The following DEK variants were observed in gnomAD, a reference collection of about 807,000 sequenced individuals.
DEK encodes the protein protein DEK.
Under a neutral mutation model 46.8 loss-of-function variants are expected in DEK, and 28 were observed. The observed-to-expected ratio is 0.60, with a 90% confidence interval of 0.44 to 0.82. The LOEUF (loss-of-function observed/expected upper bound fraction) is 0.82, where lower values mean the gene tolerates loss of function less well. Among genes scored for constraint, DEK ranks in the 40% least tolerant of loss-of-function variants. DEK has a pLI of 0.00. For synonymous variants in DEK, 160 were observed against 144.5 expected (o/e 1.11, Z -0.77); for missense variants, 416 against 430.6 (o/e 0.97, Z 0.30).
chr6:18,256,602 G>T, intron 4 of DEK, 147 bp from the exon 5 acceptor site: 1 of 526,258 alleles, frequency 1.9e-6, no homozygotes, highest in Non-Finnish European at 3.3e-6. Flanking sequence ...ATTCAATATG[G>T]GTTCAATATT....
intron 9 of DEK, among the ~76,000 whole-genome samples, chr6:18,228,652 G>A (rs937402677): frequency 1.3e-5 from 2 of 152,168 alleles, no homozygotes; most frequent in Admixed American, 1.3e-4. Context: ...GACGGCACCT[G>A]GAAAATTGGG....
chr6:18,226,499 C>T (rs1267072185), intron 9 of DEK, among the ~76,000 whole-genome samples: 1 of 152,196 alleles, frequency 6.6e-6, no homozygotes, highest in African/African-American at 2.4e-5. Flanking sequence ...CATAAACAAG[C>T]CAGATGTGAT....
intron 2 of DEK, among the ~76,000 whole-genome samples, chr6:18,261,953 G>A (rs973779003): frequency 6.6e-6 from 1 of 152,196 alleles, no homozygotes; most frequent in Non-Finnish European, 1.5e-5. Flanking sequence ...CAAATTTCGT[G>A]TTGAAAAGTG....
intron 10 of DEK, 116 bp downstream of exon 10, chr6:18,226,058 G>A: frequency 2.1e-6 from 2 of 932,150 alleles, no homozygotes; most frequent in Middle Eastern, 3.6e-4. Flanking sequence ...ATGAAGAAAT[G>A]TGAGGATCAA....
intron 7 of DEK, among the ~76,000 whole-genome samples, chr6:18,249,102 T>TAA (rs1457075486): frequency 6.6e-6 from 1 of 152,164 alleles, no homozygotes; most frequent in Non-Finnish European, 1.5e-5. Flanking sequence ...CTTTGGAAAC[T>TAA]AAGAGTCTCA....
chr6:18,247,350 G>A (rs1791164093), intron 7 of DEK, among the ~76,000 whole-genome samples: 1 of 152,016 alleles, frequency 6.6e-6, no homozygotes. Flanking sequence ...ACTAGCAAAG[G>A]TAGCAAAAAA....
intron 7 of DEK, among the ~76,000 whole-genome samples, chr6:18,240,452 G>A (rs1012640908): frequency 7.9e-5 from 12 of 152,256 alleles, no homozygotes; most frequent in African/African-American, 2.4e-4. Flanking sequence ...ACATCTCTGG[G>A]CCCTTGTCTC....
rs555268262 is a variant in DEK at position 18,258,175 on chromosome 6, C to A, written c.248-113G>T. The A allele has an allele frequency of 2.5e-5, 27 of 1,068,928 alleles. No individual in the cohort carries two copies. In the East Asian group the frequency reaches 6.7e-4, roughly 26 times the overall value. The allele number at this position is 1,068,928 out of a possible 1,614,324, so 66.2% of individuals were successfully genotyped here. ...TAATTTACATGTAACTCTGCTCTTA[C>A]AGAGCAAATTAAATAAAATTATACC... On this transcript the variant is annotated intron_variant, in intron 3 of 10. Transcript: ENST00000652689.
chr6:18,253,598 A>C (rs1791484242), intron 6 of DEK, among the ~76,000 whole-genome samples: 1 of 152,184 alleles, frequency 6.6e-6, no homozygotes, highest in Non-Finnish European at 1.5e-5. Flanking sequence ...CATTACAACT[A>C]ATCTTTAGGA....
rs187940535 is a variant in DEK at position 18,250,655 on chromosome 6, C to G, written c.574-816G>C. On this transcript the variant is annotated intron_variant, in intron 6 of 10. Coordinates refer to ENST00000652689, the MANE Select transcript of DEK (RefSeq NM_003472.4). Reference sequence around the variant, plus strand: ...GGATTACAAGTATGCACCATCACGCCCAGCTAATTTTTGTATTTTTAGTAG... The same window carrying G: ...GGATTACAAGTATGCACCATCACGCGCAGCTAATTTTTGTATTTTTAGTAG... Among the ~76,000 whole-genome samples the G allele has an allele frequency of 4.9e-5, 7 of 143,626 alleles. No individual in the cohort carries two copies. In the East Asian group the frequency reaches 1.2e-3, roughly 25 times the overall value. The allele number at this position is 143,626 out of a possible 152,430, so 94.2% of individuals were successfully genotyped here.
intron 7 of DEK, among the ~76,000 whole-genome samples, chr6:18,238,683 CAAAAA>C (rs201851628): frequency 2.2e-5 from 2 of 91,828 alleles, no homozygotes; most frequent in Admixed American, 1.2e-4. Flanking sequence ...GAGACTGTCT[CAAAAA>C]AAAAAAAAAA....
chr6:18,224,963 T>C lies in DEK; in HGVS notation c.*756A>G, dbSNP rs945655720. The stretch of plus-strand genomic sequence containing the variant: ...CTTTCGAGGCAAAGCAGGGTAACTG[T>C]TCCTTCAGTGTTGCCATCACTGAAT... On this transcript the variant is annotated 3_prime_UTR_variant, in exon 11 of 11. Coordinates refer to ENST00000652689, the MANE Select transcript of DEK (RefSeq NM_003472.4). The C allele has an allele frequency of 1.4e-5, 3 of 216,640 alleles. No homozygotes were observed. The highest frequency in any genetic ancestry group is 6.8e-5 in the African/African-American group (3 of 44,442). 13.4% of individuals were successfully genotyped at this position (216,640 alleles called of 1,614,324 possible).
At chr6:18,236,259 A>C (rs1056151551) in intron 9 of DEK, among the ~76,000 whole-genome samples, 193 bp downstream of exon 9, 3 of 152,208 alleles carry the variant, frequency 2.0e-5, no homozygotes, top group Non-Finnish European at 4.4e-5. Flanking sequence ...TGTTTATAAA[A>C]TAACTCTATT....
chr6:18,263,972 G>C lies in DEK; in HGVS notation c.16C>G (p.Pro6Ala). Residue 6 changes from proline to alanine, a missense_variant, in exon 2 of 11, where the codon CCT (proline) becomes GCT (alanine). Physicochemically the swap from Pro to Ala is conservative, Grantham distance 27 (BLOSUM62 -1). Coordinates refer to ENST00000652689, the MANE Select transcript of DEK (RefSeq NM_003472.4). Reference protein sequence around the residue: MSASAPAAEGEGTPTQ... With the variant: MSASAAAAEGEGTPTQ... ...GGGGTTCCCTCCCCCTCCGCAGCAG[G>C]GGCCGAGGCGGACATGCTGTGAACC... The C allele has an allele frequency of 6.2e-7, 1 of 1,610,658 alleles. No individual in the cohort carries two copies. Among genetic ancestry groups the C allele is most frequent in the Non-Finnish European group, 8.5e-7 (1 of 1,178,806 alleles).
At chr6:18,250,338 GGGC>G (rs1375313031) in intron 6 of DEK, among the ~76,000 whole-genome samples, 7 of 151,908 alleles carry the variant, frequency 4.6e-5, no homozygotes, top group Non-Finnish European at 7.4e-5. Flanking sequence ...GCGTGGTGGC[GGGC>G]GCCTGTAGCC....
rs1481972073 is a variant in DEK, at chr6:18,264,415, G to A, written c.-40C>T. 2 of 257,222 alleles carry A rather than the reference G, an allele frequency of 7.8e-6. No individual in the cohort carries two copies. The highest frequency in any genetic ancestry group is 3.2e-5 in the South Asian group (1 of 30,814). The allele number at this position is 257,222 out of a possible 1,614,324, so 15.9% of individuals were successfully genotyped here. ...ATTTCGGCCGCCGCGGGCCTGGCACGCGAGGGCACGAGGAGGTTCTGGGAG... is the reference window on the plus strand; with the variant it reads ...ATTTCGGCCGCCGCGGGCCTGGCACACGAGGGCACGAGGAGGTTCTGGGAG... On this transcript the variant is annotated 5_prime_UTR_variant, in exon 1 of 11. Coordinates refer to ENST00000652689, the MANE Select transcript of DEK (RefSeq NM_003472.4).
At chr6:18,228,483 G>A (rs1364257735) in intron 9 of DEK, among the ~76,000 whole-genome samples, 1 of 151,848 alleles carries the variant, frequency 6.6e-6, no homozygotes, top group Non-Finnish European at 1.5e-5. Context: ...ATTTCCAACT[G>A]AGATACCAGG....
chr6:18,227,280 C>A (rs1293239755), intron 9 of DEK, among the ~76,000 whole-genome samples: 1 of 152,102 alleles, frequency 6.6e-6, no homozygotes, highest in Non-Finnish European at 1.5e-5. Flanking sequence ...GTATAAAACC[C>A]GATTGTACGT....
intron 4 of DEK, 43 bp from the exon 5 acceptor site, chr6:18,256,498 A>G: frequency 6.6e-7 from 1 of 1,508,458 alleles, no homozygotes; most frequent in Non-Finnish European, 9.1e-7. Flanking sequence ...TTACCCAGTA[A>G]TGTACACAAG....
Sources: gnomAD v4.1 joint callset for allele counts (sites outside exome capture counted in the v4.1 genomes callset) on GRCh38, gnomAD v4.1.1 for gene constraint, MANE v1.5 for transcripts, NCBI Gene and HGNC (gene_info 2026-07-23, HGNC 2026-07-21) for gene names.